Variants in PEAK1 observed in about 807,000 individuals in gnomAD.
PEAK1 encodes pseudopodium enriched atypical kinase 1.
A neutral mutation model predicts 124.7 loss-of-function variants in PEAK1; 54 were observed. The observed-to-expected ratio is 0.43, with a 90% CI of 0.35 to 0.54. The LOEUF (loss-of-function observed/expected upper bound fraction) is 0.54, where lower values mean the gene tolerates loss of function less well. Among genes scored for constraint, PEAK1 ranks in the 20% least tolerant of loss-of-function variants. PEAK1 has a pLI of 0.01. For missense variants in PEAK1, 2,046 were observed against 2,134.5 expected (o/e 0.96, Z 0.82); for synonymous variants, 719 against 760.0 (o/e 0.95, Z 0.89).
chr15:77,388,985 T>C (rs1362899850), intron 1 of PEAK1, among the ~76,000 whole-genome samples: 5 of 147,880 alleles, frequency 3.4e-5, no homozygotes, highest in South Asian at 2.1e-4. Context: ...TTTTTGGAGA[T>C]AGGGTCTTGC....
rs1453451572 is a variant in PEAK1 at position 77,227,495 on chromosome 15, C to A, written c.-115+24872G>T. On this transcript the variant is annotated intron_variant, in intron 6 of 9. Transcript: ENST00000682557. ...ATATAGCACATACTTAGGATTAGACCAAGAAGAATAAAACCAAATAAATAT... is the reference window on the plus strand; with the variant it reads ...ATATAGCACATACTTAGGATTAGACAAAGAAGAATAAAACCAAATAAATAT... Among the ~76,000 whole-genome samples the A allele has an allele frequency of 4.6e-5, 7 of 151,962 alleles. 1 individual carries two copies. The highest frequency in any genetic ancestry group is 1.7e-4 in the African/African-American group (7 of 41,450).
intron 5 of PEAK1, 25 bp downstream of exon 5, chr15:77,283,858 A>C (rs1367716880): frequency 1.0e-6 from 1 of 964,424 alleles, no homozygotes; most frequent in African/African-American, 1.8e-5. Context: ...CAACTCATAG[A>C]CCTTATTACT....
intron 1 of PEAK1, among the ~76,000 whole-genome samples, chr15:77,387,304 G>A (rs1342418178): frequency 6.6e-6 from 1 of 152,152 alleles, no homozygotes. Context: ...TCAAAGACTG[G>A]CTGTTCACTG....
rs2057253536 is a variant in PEAK1, at chr15:77,181,267, A to G, written c.660T>C (p.Asn220=). Residue 220 remains asparagine (N), a synonymous_variant, in exon 7 of 10, where the codon AAT becomes AAC. Transcript: ENST00000682557. ...CTGGGTAACAGAACCGGCCCCCTTC[A>G]TTACTAATCACTTCTGTGCTCCCAC... ...ILSGSTEVIS[N]EGGRFCYPEF... 2 of 1,613,826 alleles carry G rather than the reference A, an allele frequency of 1.2e-6. No homozygotes were observed. The highest frequency in any genetic ancestry group is 1.7e-6 in the Non-Finnish European group (2 of 1,180,026).
intron 6 of PEAK1, among the ~76,000 whole-genome samples, chr15:77,184,460 C>T (rs1235410942): frequency 6.6e-6 from 1 of 152,182 alleles, no homozygotes; most frequent in Non-Finnish European, 1.5e-5. Flanking sequence ...AGCAATCCCA[C>T]TCCTAGGTAT....
intron 5 of PEAK1, among the ~76,000 whole-genome samples, chr15:77,270,045 A>G (rs1258303134): frequency 6.6e-6 from 1 of 152,184 alleles, no homozygotes; most frequent in Admixed American, 6.6e-5. Context: ...ATAGTTTGTT[A>G]TAATTTCTGT....
chr15:77,336,667 AT>A, intron 2 of PEAK1: 1 of 400,242 alleles, frequency 2.5e-6, no homozygotes, highest in Non-Finnish European at 3.4e-6. Context: ...CACATTCTTG[AT>A]TATATACCTC....
At chr15:77,380,398 A>T (rs2069379629) in intron 1 of PEAK1, among the ~76,000 whole-genome samples, 1 of 152,162 alleles carries the variant, frequency 6.6e-6, no homozygotes, top group African/African-American at 2.4e-5. Context: ...GACATAACTG[A>T]TCTTTAAAGG....
At chr15:77,361,689 T>C (rs2067896824) in intron 2 of PEAK1, among the ~76,000 whole-genome samples, 1 of 152,036 alleles carries the variant, frequency 6.6e-6, no homozygotes, top group Non-Finnish European at 1.5e-5. Flanking sequence ...AAACTACAAA[T>C]AGAATATCAT....
intron 8 of PEAK1, among the ~76,000 whole-genome samples, chr15:77,140,484 GA>G (rs1484457135): frequency 4.6e-5 from 7 of 151,998 alleles, no homozygotes. Flanking sequence ...AATAAAGGGG[GA>G]AAAAAGCTCA....
intron 6 of PEAK1, among the ~76,000 whole-genome samples, chr15:77,249,318 G>C (rs1318100442): frequency 6.6e-6 from 1 of 151,968 alleles, no homozygotes; most frequent in African/African-American, 2.4e-5. Flanking sequence ...TACCCACAAA[G>C]GCCATAATTT....
chr15:77,336,091 T>A, intron 2 of PEAK1: 37 of 985,432 alleles, frequency 3.8e-5, no homozygotes, highest in Non-Finnish European at 4.5e-5. Flanking sequence ...TATGAAAGAC[T>A]AAACAGTGAG....
chr15:77,311,685 C>CAAAAAAAAAAA (rs11296386), intron 2 of PEAK1, among the ~76,000 whole-genome samples: 11 of 85,850 alleles, frequency 1.3e-4, no homozygotes, highest in Non-Finnish European at 1.9e-4. Flanking sequence ...CCAACCCCCA[C>CAAAAAAAAAAA]AAAAAAAAAA....
chr15:77,301,247 A>G (rs750732844), intron 2 of PEAK1, among the ~76,000 whole-genome samples: 4 of 152,082 alleles, frequency 2.6e-5, no homozygotes, highest in East Asian at 1.9e-4. Flanking sequence ...GCTTGTGGCT[A>G]TATCATTCTA....
intron 8 of PEAK1, among the ~76,000 whole-genome samples, chr15:77,154,238 A>G (rs1159856222): frequency 6.6e-6 from 1 of 152,204 alleles, no homozygotes; most frequent in Non-Finnish European, 1.5e-5. Flanking sequence ...ACCATTATGT[A>G]ATGGCCTTCT....
rs113436900 is a variant in PEAK1 at position 77,149,770 on chromosome 15, G to A, written c.3331+8733C>T. Among the ~76,000 whole-genome samples the A allele has an allele frequency of 6.5e-4, 97 of 149,654 alleles. 2 individuals carry two copies. The highest frequency in any genetic ancestry group is 2.3e-3 in the African/African-American group (94 of 40,652). Reference sequence around the variant, plus strand: ...TTGGCATCACTTTTTTTTTTTTTAAGACAGTGTCTCCCTTTGTCACCCAGG... The same window carrying A: ...TTGGCATCACTTTTTTTTTTTTTAAAACAGTGTCTCCCTTTGTCACCCAGG... On this transcript the variant is annotated intron_variant, in intron 8 of 9. Coordinates refer to ENST00000682557, the MANE Select transcript of PEAK1 (RefSeq NM_001385026.1).
chr15:77,138,329 AGTGAGTG>A (rs1330211685), intron 8 of PEAK1, among the ~76,000 whole-genome samples: 2 of 152,190 alleles, frequency 1.3e-5, no homozygotes, highest in Admixed American at 1.3e-4. Flanking sequence ...TGAGTCACCG[AGTGAGTG>A]GTGAGTGAAT....
intron 1 of PEAK1, among the ~76,000 whole-genome samples, chr15:77,376,187 G>T (rs1225365880): frequency 6.6e-6 from 1 of 151,840 alleles, no homozygotes; most frequent in Non-Finnish European, 1.5e-5. Context: ...CTGAATAAAT[G>T]AGCATGAATA....
intron 6 of PEAK1, among the ~76,000 whole-genome samples, chr15:77,193,942 T>TA (rs1596548516): frequency 6.6e-6 from 1 of 152,206 alleles, no homozygotes; most frequent in African/African-American, 2.4e-5. Context: ...GTTTGCCATA[T>TA]AACATATACT....
Sources: gnomAD v4.1 joint callset for allele counts (sites outside exome capture counted in the v4.1 genomes callset) on GRCh38, gnomAD v4.1.1 for gene constraint, MANE v1.5 for transcripts, NCBI Gene and HGNC (gene_info 2026-07-23, HGNC 2026-07-21) for gene names.